The following NCOR2 variants were observed in gnomAD, a reference collection of about 807,000 sequenced individuals.
NCOR2 encodes the protein nuclear receptor corepressor 2, also known as CTG repeat protein 26.
A neutral mutation model predicts 262.9 loss-of-function variants in NCOR2; 81 were observed. That is an observed-to-expected ratio of 0.31 (90% confidence interval 0.26 to 0.37). NCOR2 has a LOEUF of 0.37. Ranked by LOEUF, NCOR2 falls within the 10% of genes least tolerant of loss-of-function variation. NCOR2 has a pLI of 1.00. For missense variants in NCOR2, 3,385 were observed against 3,621.4 expected, an observed-to-expected ratio of 0.93 and a Z score of 1.68; for synonymous variants, 1,659 against 1,559.3, an observed-to-expected ratio of 1.06 and a Z score of -1.51.
chr12:124,359,738 G>T (rs534084898), intron 22 of NCOR2, among the ~76,000 whole-genome samples: 182 of 152,388 alleles, frequency 1.2e-3, no homozygotes, highest in African/African-American at 4.1e-3. Context: ...GGCTGGGCGG[G>T]CGGCCGAGAG....
rs567569936 is a variant in NCOR2, at chr12:124,482,732, C to T, written c.411+864G>A. Among the ~76,000 whole-genome samples, 116 of 152,236 alleles carry T rather than the reference C, an allele frequency of 7.6e-4. No homozygotes were observed. Among genetic ancestry groups the T allele is most frequent in the African/African-American group, 2.6e-3 (109 of 41,540 alleles). On this transcript the variant is annotated intron_variant, in intron 3 of 46. Transcript: ENST00000405201. This position sits in a 1 kb window ranked among gnomAD's most constrained non-coding sequence, Gnocchi z 6.3. ...AGTGTGCCCAGGTGAGGCCTGGGCC[C>T]ACCTGCAATGCCAGGCAGCCCCCCA... is the stretch of plus-strand genomic sequence containing the variant.
chr12:124,403,233 C>A (rs573195853), intron 13 of NCOR2, among the ~76,000 whole-genome samples: 1 of 152,204 alleles, frequency 6.6e-6, no homozygotes, highest in Non-Finnish European at 1.5e-5. Flanking sequence ...CCCAGGCCTG[C>A]GTGGAGGTGG....
At chr12:124,339,767 C>CCCCA (rs1835094488) in intron 37 of NCOR2, among the ~76,000 whole-genome samples, 1 of 130,472 alleles carries the variant, frequency 7.7e-6, no homozygotes, top group Non-Finnish European at 1.7e-5. Flanking sequence ...CCGACCACCC[C>CCCCA]CCCATCCATC....
intron 22 of NCOR2, among the ~76,000 whole-genome samples, chr12:124,359,097 C>T (rs1294849398): frequency 6.6e-6 from 1 of 152,224 alleles, no homozygotes; most frequent in Non-Finnish European, 1.5e-5. Context: ...CTCAGCGGGG[C>T]CCCGGGGCTC....
chr12:124,458,260 A>T (rs1207628217), intron 5 of NCOR2, among the ~76,000 whole-genome samples: 2 of 152,218 alleles, frequency 1.3e-5, no homozygotes, highest in Non-Finnish European at 2.9e-5. Flanking sequence ...AATTTGACGC[A>T]GCCTTTGCCA....
intron 24 of NCOR2, 81 bp downstream of exon 26, chr12:124,355,351 A>C (rs1424846095): frequency 1.3e-6 from 2 of 1,526,484 alleles, no homozygotes; most frequent in East Asian, 2.4e-5. Flanking sequence ...CCTGGCCCCC[A>C]CTCAGACTTC....
At chr12:124,351,925 C>T (rs1407898876) in intron 27 of NCOR2, among the ~76,000 whole-genome samples, 1 of 152,218 alleles carries the variant, frequency 6.6e-6, no homozygotes, top group African/African-American at 2.4e-5. Context: ...TCTGGCTGGA[C>T]TTGCTTGGCT....
chr12:124,399,887 A>T (rs1461106315), intron 15 of NCOR2, among the ~76,000 whole-genome samples: 2 of 152,056 alleles, frequency 1.3e-5, no homozygotes, highest in African/African-American at 4.8e-5. Flanking sequence ...ACTTTCTGGG[A>T]GGGTAGTGAG....
Position 124,422,571 on chromosome 12 carries a change from GGT to G in NCOR2, c.1329-18_1329-17del. On this transcript the variant is annotated splice_polypyrimidine_tract_variant and intron_variant, in intron 11 of 46. Transcript: ENST00000405201. The stretch of plus-strand genomic sequence containing the variant: ...CTGCATGAACCTGCGGGACGAGAAG[GGT>G]GGGCGTGAGACCTGGCCGAGGGGGG... 6.2e-7 allele frequency: 1 copy of G among 1,613,714 alleles called. No individual in the cohort carries two copies. The highest frequency in any genetic ancestry group is 8.5e-7 in the Non-Finnish European group (1 of 1,179,946).
At chr12:124,564,568 T>C (rs2052173145) in intron 1 of NCOR2, among the ~76,000 whole-genome samples, 1 of 119,276 alleles carries the variant, frequency 8.4e-6, no homozygotes. Flanking sequence ...GCAGCATTTG[T>C]GGGGCTTTTC....
At chr12:124,439,551 G>A (rs1301308001) in intron 7 of NCOR2, among the ~76,000 whole-genome samples, 3 of 146,182 alleles carry the variant, frequency 2.1e-5, no homozygotes, top group Non-Finnish European at 4.6e-5. Flanking sequence ...AGGGAAACAG[G>A]GACCCAGAGA....
At position 124,506,849 on chromosome 12, in the gene NCOR2, T is replaced by C. The variant is rs77024821; in HGVS notation, c.-117-11481A>G. ...GGCAAACCACTTAACCCCGTGCCCC[T>C]GGGCTGTGACGGCAGGAGAGAGGGA... On this transcript the variant is annotated intron_variant, in intron 1 of 46. Coordinates refer to the NCOR2 transcript ENST00000404621. Among the ~76,000 whole-genome samples, 754 of 152,256 alleles carry C rather than the reference T, an allele frequency of 5.0e-3. 5 individuals carry two copies. Among genetic ancestry groups the C allele is most frequent in the African/African-American group, 0.017 (703 of 41,558 alleles).
intron 3 of NCOR2, among the ~76,000 whole-genome samples, chr12:124,476,185 C>T (rs1199112098): frequency 6.6e-6 from 1 of 152,214 alleles, no homozygotes; most frequent in Non-Finnish European, 1.5e-5. Context: ...TTTGCACAGG[C>T]TGGCTCCGCT....
chr12:124,461,555 G>A (rs747688798), intron 5 of NCOR2, among the ~76,000 whole-genome samples: 2 of 152,204 alleles, frequency 1.3e-5, no homozygotes, highest in South Asian at 2.1e-4. Context: ...CCAGACCCAC[G>A]TTACCAAGTG....
At chr12:124,346,066 T>A (rs1233840630) in intron 31 of NCOR2, among the ~76,000 whole-genome samples, 1 of 152,150 alleles carries the variant, frequency 6.6e-6, no homozygotes. Flanking sequence ...TAGGAACATC[T>A]GAATTTGGGT....
intron 38 of NCOR2, chr12:124,336,143 G>T: frequency 6.1e-6 from 1 of 164,280 alleles, no homozygotes; most frequent in Middle Eastern, 3.2e-3. Flanking sequence ...GGGGTACAGG[G>T]GCTGGGGACA....
chr12:124,419,866 C>T (rs934006622), intron 13 of NCOR2, 91 bp downstream of exon 15: 13 of 1,163,424 alleles, frequency 1.1e-5, no homozygotes, highest in East Asian at 2.4e-5. Flanking sequence ...AGACAGTTAC[C>T]GCCAGCCATG....
At chr12:124,439,675 A>T (rs2044704372) in intron 7 of NCOR2, among the ~76,000 whole-genome samples, 1 of 151,946 alleles carries the variant, frequency 6.6e-6, no homozygotes. Flanking sequence ...AGAGACCTGG[A>T]GATGGACAGG....
At chr12:124,366,431 G>A (rs1336979056) in intron 20 of NCOR2, among the ~76,000 whole-genome samples, 2 of 152,214 alleles carry the variant, frequency 1.3e-5, no homozygotes, top group African/African-American at 4.8e-5. Context: ...CCAGGGCTGG[G>A]AGGAGGGAGG....
Sources: gnomAD v4.1 joint callset for allele counts (sites outside exome capture counted in the v4.1 genomes callset) on GRCh38, gnomAD v4.1.1 for gene constraint, Gnocchi (gnomAD v3.1) non-coding constraint, MANE v1.5 for transcripts, NCBI Gene and HGNC (gene_info 2026-07-23, HGNC 2026-07-21) for gene names.